The following DAB1 variants were observed in gnomAD, a reference collection of about 807,000 sequenced individuals.
DAB1 encodes the protein disabled homolog 1.
In DAB1, 15 loss-of-function variants were observed where a neutral mutation model predicts 64.6. That is an observed-to-expected ratio of 0.23 (90% CI 0.16 to 0.36). The LOEUF (loss-of-function observed/expected upper bound fraction) is 0.36, where lower values mean the gene tolerates loss of function less well. Ranked by LOEUF, DAB1 falls within the 10% of genes least tolerant of loss-of-function variation. The pLI is 1.00. For missense variants in DAB1, 596 were observed against 706.7 expected, an observed-to-expected ratio of 0.84 and a Z score of 1.78; for synonymous variants, 235 against 251.9, an observed-to-expected ratio of 0.93 and a Z score of 0.64.
chr1:57,405,313 A>T (rs572947434), intron 1 of DAB1, among the ~76,000 whole-genome samples: 357 of 152,354 alleles, frequency 2.3e-3, no homozygotes, highest in African/African-American at 8.0e-3. Context: ...GGAAACACAC[A>T]GAAATAAATG....
At chr1:57,700,641 T>G (rs922063536) in intron 6 of DAB1, among the ~76,000 whole-genome samples, 7 of 152,222 alleles carry the variant, frequency 4.6e-5, no homozygotes, top group Admixed American at 4.6e-4. Context: ...CTTTGAGACT[T>G]TTATTTTTAT....
intron 5 of DAB1, among the ~76,000 whole-genome samples, chr1:57,985,661 G>A (rs564193232): frequency 6.6e-6 from 1 of 151,322 alleles, no homozygotes; most frequent in African/African-American, 2.4e-5. Flanking sequence ...AAAAAAAAAT[G>A]GCTGTGAGTA....
At chr1:58,122,649 G>T (rs1557659667) in intron 5 of DAB1, among the ~76,000 whole-genome samples, 1 of 152,104 alleles carries the variant, frequency 6.6e-6, no homozygotes, top group Non-Finnish European at 1.5e-5. Context: ...GGTTTTGGAG[G>T]CTGACCACCT....
At chr1:57,820,338 T>C (rs1652061082) in intron 6 of DAB1, among the ~76,000 whole-genome samples, 1 of 152,172 alleles carries the variant, frequency 6.6e-6, no homozygotes, top group African/African-American at 2.4e-5. Context: ...CTCTGAATAA[T>C]ACACACTGAT....
At chr1:58,218,445 A>C (rs142064154) in intron 4 of DAB1, among the ~76,000 whole-genome samples, 2 of 152,214 alleles carry the variant, frequency 1.3e-5, no homozygotes, top group Admixed American at 1.3e-4. Context: ...GGGACATTAC[A>C]TCAGGCCAGG....
Position 57,336,995 on chromosome 1 carries a change from CAG to C in DAB1, c.-136-45831_-136-45830del, listed in dbSNP as rs534352486. Among the ~76,000 whole-genome samples the C allele has an allele frequency of 6.2e-3, 948 of 152,242 alleles. 9 individuals carry two copies. The highest frequency in any genetic ancestry group is 0.018 in the African/African-American group (764 of 41,546). The stretch of plus-strand genomic sequence containing the variant: ...AGCTCCTCTAGGTAGTACTCACAAA[CAG>C]AGAGTGTGTTATCCAATCAGTGACA... On this transcript the variant is annotated intron_variant, in intron 1 of 14. Transcript: ENST00000371236.
In DAB1 at chr1:57,399,488, A is replaced by G. The variant is rs559585640; in HGVS notation, c.-137+24442T>C. 5.3e-5 allele frequency among the ~76,000 whole-genome samples: 8 copies of G among 152,322 alleles called. No homozygotes were observed. In the South Asian group the frequency reaches 1.7e-3, roughly 32 times the overall value. On this transcript the variant is annotated intron_variant, in intron 1 of 14. Transcript: ENST00000371236. Reference sequence around the variant, plus strand: ...AGTAAATTAGGACACTGACAGGCATATTTGCTTGTATAATAAGTATATGCT... The same window carrying G: ...AGTAAATTAGGACACTGACAGGCATGTTTGCTTGTATAATAAGTATATGCT...
intron 3 of DAB1, among the ~76,000 whole-genome samples, chr1:58,457,581 G>A (rs1257323988): frequency 6.6e-6 from 1 of 152,324 alleles, no homozygotes; most frequent in Non-Finnish European, 1.5e-5. Context: ...AAGGCAGTTC[G>A]TTGTGTTGGC....
At chr1:57,242,697 G>T (rs1668581667) in intron 2 of DAB1, among the ~76,000 whole-genome samples, 1 of 152,142 alleles carries the variant, frequency 6.6e-6, no homozygotes, top group Non-Finnish European at 1.5e-5. Context: ...AACATTTTTT[G>T]AAGTCATTTC....
intron 1 of DAB1, among the ~76,000 whole-genome samples, chr1:57,327,305 G>A (rs1477991397): frequency 6.6e-6 from 1 of 152,112 alleles, no homozygotes; most frequent in East Asian, 1.9e-4. Flanking sequence ...CCCACTGGGA[G>A]AAGTGCTGAG....
chr1:57,982,958 G>A (rs749329091), intron 5 of DAB1, among the ~76,000 whole-genome samples: 11 of 152,148 alleles, frequency 7.2e-5, no homozygotes, highest in Non-Finnish European at 1.2e-4. Flanking sequence ...AAGAGAAAAC[G>A]AAGGCTCAGA....
chr1:57,038,251 A>G (rs1052615181), intron 9 of DAB1, among the ~76,000 whole-genome samples: 1 of 152,232 alleles, frequency 6.6e-6, no homozygotes, highest in East Asian at 1.9e-4. Context: ...AGACAGTACC[A>G]TGAAATCAAA....
chr1:57,367,893 C>A (rs763125361), intron 1 of DAB1, among the ~76,000 whole-genome samples: 2 of 152,160 alleles, frequency 1.3e-5, no homozygotes, highest in Non-Finnish European at 2.9e-5. Context: ...GGGCCTCCCA[C>A]TCCTCAGAGC....
chr1:57,188,184 T>C (rs1012287457), intron 2 of DAB1, among the ~76,000 whole-genome samples: 2 of 152,154 alleles, frequency 1.3e-5, no homozygotes, highest in African/African-American at 4.8e-5. Context: ...AAGGCCTTTC[T>C]GAAGGATACC....
intron 7 of DAB1, among the ~76,000 whole-genome samples, chr1:57,433,484 G>GA (rs1387779591): frequency 2.6e-5 from 4 of 152,020 alleles, no homozygotes; most frequent in East Asian, 1.9e-4. Context: ...AAACATATGG[G>GA]AAAAAATCAG....
In DAB1 at chr1:58,376,484, T is replaced by C. The variant is rs1223467121; in HGVS notation, n.258-33081A>G. On this transcript the variant is annotated intron_variant and non_coding_transcript_variant, in intron 3 of 20. Transcript: ENST00000485760. Reference sequence around the variant, plus strand: ...GTTGTTCAGTTTCCATGTAGTTGAGTGGCTCTGAGTGAGATTCTTAATCCT... The same window carrying C: ...GTTGTTCAGTTTCCATGTAGTTGAGCGGCTCTGAGTGAGATTCTTAATCCT... Among the ~76,000 whole-genome samples the C allele has an allele frequency of 3.3e-3, 467 of 140,110 alleles. 5 individuals are homozygous for C. The highest frequency in any genetic ancestry group is 0.012 in the African/African-American group (438 of 37,188). 91.9% of individuals were successfully genotyped at this position (140,110 alleles called of 152,430 possible). A position where few individuals can be genotyped will look rare whatever the true frequency, so the allele number is the denominator to read the frequency against.
At chr1:57,088,731 G>A (rs1453953225) in intron 4 of DAB1, among the ~76,000 whole-genome samples, 4 of 152,086 alleles carry the variant, frequency 2.6e-5, no homozygotes, top group Non-Finnish European at 5.9e-5. Context: ...TGCACAAATC[G>A]GAATGTAGTT....
chr1:57,154,776 G>C (rs1278270358), intron 2 of DAB1, among the ~76,000 whole-genome samples: 1 of 152,050 alleles, frequency 6.6e-6, no homozygotes, highest in African/African-American at 2.4e-5. Context: ...GTTTTGATTT[G>C]CATTTCTCTG....
At chr1:58,169,790 A>G (rs923685468) in intron 4 of DAB1, among the ~76,000 whole-genome samples, 3 of 152,150 alleles carry the variant, frequency 2.0e-5, no homozygotes, top group Admixed American at 6.5e-5. Context: ...ACAAGCAAAG[A>G]AATCTCCAAA....
Sources: allele counts gnomAD v4.1 joint callset (sites outside exome capture counted in the v4.1 genomes callset), GRCh38; gene constraint gnomAD v4.1.1; transcripts MANE v1.5; gene names NCBI Gene and HGNC (gene_info 2026-07-23, HGNC 2026-07-21).